Variants in CYP39A1 observed in about 807,000 individuals in gnomAD.
CYP39A1 encodes 24-hydroxycholesterol 7-alpha-hydroxylase.
CYP39A1 carries 49 observed loss-of-function variants against 58.1 expected under a neutral mutation model. That is an observed-to-expected ratio of 0.84 (90% CI 0.67 to 1.07). The LOEUF is 1.07. Among genes scored for constraint, CYP39A1 ranks in the 50% least tolerant of loss-of-function variants. The pLI is 0.00. For missense variants in CYP39A1, 531 were observed against 539.4 expected, an observed-to-expected ratio of 0.98 and a Z score of 0.16; for synonymous variants, 209 against 187.6, an observed-to-expected ratio of 1.11 and a Z score of -0.93.
chr6:46,581,073 A>G (rs1772104504), intron 10 of CYP39A1, among the ~76,000 whole-genome samples: 1 of 152,210 alleles, frequency 6.6e-6, no homozygotes, highest in Non-Finnish European at 1.5e-5. Flanking sequence ...TAGCAAAGAC[A>G]TGAAATCAAC....
At chr6:46,567,662 A>G (rs1771368494) in intron 10 of CYP39A1, among the ~76,000 whole-genome samples, 2 of 152,130 alleles carry the variant, frequency 1.3e-5, no homozygotes, top group South Asian at 4.1e-4. Flanking sequence ...AGTCATTCTA[A>G]TGGATATGCC....
chr6:46,605,004 T>TAA (rs768355971), intron 7 of CYP39A1, among the ~76,000 whole-genome samples: 2 of 138,096 alleles, frequency 1.4e-5, no homozygotes, highest in Non-Finnish European at 1.6e-5. Context: ...CTGATGAGCT[T>TAA]AAAAAAAAAA....
chr6:46,638,572 T>C (rs1185114476), intron 3 of CYP39A1, among the ~76,000 whole-genome samples: 7 of 152,242 alleles, frequency 4.6e-5, no homozygotes, highest in Non-Finnish European at 7.3e-5. Flanking sequence ...TTAATTTTTA[T>C]TTACCATCCC....
chr6:46,631,107 A>C (rs1582440501), intron 5 of CYP39A1, 37 bp from the exon 6 acceptor site: 1 of 1,412,344 alleles, frequency 7.1e-7, no homozygotes. Flanking sequence ...AACCATGGCT[A>C]TGTGACAAAT....
At chr6:46,651,264 T>G (rs1762668943) in intron 1 of CYP39A1, among the ~76,000 whole-genome samples, 1 of 152,194 alleles carries the variant, frequency 6.6e-6, no homozygotes, top group Non-Finnish European at 1.5e-5. Flanking sequence ...ACTGAAGCAC[T>G]GGCTGAAAGA....
At chr6:46,584,603 C>T (rs1419716722) in intron 10 of CYP39A1, among the ~76,000 whole-genome samples, 7 of 152,118 alleles carry the variant, frequency 4.6e-5, no homozygotes, top group African/African-American at 1.7e-4. Flanking sequence ...TTTATTAGTG[C>T]CATGTGAGCT....
At chr6:46,554,532 T>C (rs575179336) in intron 10 of CYP39A1, among the ~76,000 whole-genome samples, 10 of 152,372 alleles carry the variant, frequency 6.6e-5, no homozygotes, top group African/African-American at 2.2e-4. Context: ...CTACAATATA[T>C]TGATACTCAT....
chr6:46,652,604 G>A lies in CYP39A1; in HGVS notation c.-22C>T. 6.4e-7 allele frequency: 1 copy of A among 1,568,894 alleles called. No individual in the cohort carries two copies. Among genetic ancestry groups the A allele is most frequent in the Non-Finnish European group, 8.6e-7 (1 of 1,158,582 alleles). On this transcript the variant is annotated 5_prime_UTR_variant, in exon 1 of 12. Coordinates refer to ENST00000275016, the MANE Select transcript of CYP39A1 (RefSeq NM_016593.5). ...CCATGTTTTTGTCCAGCACCTTCCA[G>A]AAGCAGAAAAGTGTGAAACAGTCCT...
intron 10 of CYP39A1, chr6:46,582,981 TG>T: frequency 1.3e-6 from 1 of 785,430 alleles, no homozygotes; most frequent in Non-Finnish European, 1.5e-6. Context: ...TACTATTAGA[TG>T]GACCTCTGAT....
At chr6:46,608,391 A>T (rs917808630) in intron 7 of CYP39A1, among the ~76,000 whole-genome samples, 2 of 152,168 alleles carry the variant, frequency 1.3e-5, no homozygotes, top group Non-Finnish European at 2.9e-5. Context: ...AAAGATAAAG[A>T]ATAAATAAAA....
intron 8 of CYP39A1, among the ~76,000 whole-genome samples, chr6:46,588,833 C>T (rs1772638866): frequency 6.6e-6 from 1 of 152,158 alleles, no homozygotes; most frequent in Non-Finnish European, 1.5e-5. Flanking sequence ...TGTGTTTCCT[C>T]AGGTAGTCTA....
chr6:46,647,396 A>G (rs928164202), intron 1 of CYP39A1, among the ~76,000 whole-genome samples: 2 of 152,220 alleles, frequency 1.3e-5, no homozygotes, highest in African/African-American at 4.8e-5. Flanking sequence ...TATCGCTTAG[A>G]GTGGCTTAAA....
chr6:46,593,747 C>T (rs997858887), intron 8 of CYP39A1, among the ~76,000 whole-genome samples: 4 of 152,002 alleles, frequency 2.6e-5, no homozygotes, highest in Non-Finnish European at 5.9e-5. Context: ...ATAATGCAGG[C>T]CCTAAGTCAA....
chr6:46,551,816 T>C (rs1348435722), intron 11 of CYP39A1, among the ~76,000 whole-genome samples: 1 of 152,186 alleles, frequency 6.6e-6, no homozygotes, highest in Non-Finnish European at 1.5e-5. Context: ...GGCCATTTCC[T>C]GTACTTTCTG....
chr6:46,625,425 G>A lies in CYP39A1; in HGVS notation c.924C>T (p.Gly308=). Residue 308 remains glycine, a synonymous_variant, in exon 7 of 12, where the codon GGC becomes GGT. Transcript: ENST00000275016. ...AIMEGISSVF[G]KAGKDKIKVS... ...TATAATAAGGTTTAGTACCTGCTTTGCCAAACACAGAAGATATGCCTTCCA... is the reference window on the plus strand; with the variant it reads ...TATAATAAGGTTTAGTACCTGCTTTACCAAACACAGAAGATATGCCTTCCA... 1.9e-6 allele frequency: 3 copies of A among 1,604,628 alleles called. No homozygotes were observed. The highest frequency in any genetic ancestry group is 1.7e-6 in the Non-Finnish European group (2 of 1,174,822).
At chr6:46,635,825 A>G (rs1468042558) in intron 5 of CYP39A1, among the ~76,000 whole-genome samples, 1 of 152,014 alleles carries the variant, frequency 6.6e-6, no homozygotes, top group Admixed American at 6.6e-5. Flanking sequence ...GGCCCCCCAA[A>G]GTGCTGGGAT....
At chr6:46,561,137 C>T (rs1450654063) in intron 10 of CYP39A1, among the ~76,000 whole-genome samples, 1 of 152,134 alleles carries the variant, frequency 6.6e-6, no homozygotes, top group African/African-American at 2.4e-5. Flanking sequence ...GTAGTGACTT[C>T]CTAGCATTCA....
At chr6:46,558,706 G>A (rs1461747736) in intron 10 of CYP39A1, among the ~76,000 whole-genome samples, 1 of 152,024 alleles carries the variant, frequency 6.6e-6, no homozygotes, top group Non-Finnish European at 1.5e-5. Flanking sequence ...TAGGAAAAAA[G>A]GTGATTGTCG....
chr6:46,587,039 G>C lies in CYP39A1; in HGVS notation c.1250+38C>G, dbSNP rs746587315. On this transcript the variant is annotated intron_variant, in intron 10 of 11. Transcript: ENST00000275016. ...CCCTCTGAGCCATCATCTTTCTGCA[G>C]ACTTTCTGGATAAATGTGGCCCAGC... 3 of 1,471,998 alleles carry C rather than the reference G, an allele frequency of 2.0e-6. No individual in the cohort carries two copies. The South Asian group carries it at 3.5e-5, about 17-fold the overall frequency. 91.2% of individuals were successfully genotyped at this position (1,471,998 alleles called of 1,614,324 possible). A position where few individuals can be genotyped will look rare whatever the true frequency, so the allele number is the denominator to read the frequency against.
Sources: allele counts gnomAD v4.1 joint callset (sites outside exome capture counted in the v4.1 genomes callset), GRCh38; gene constraint gnomAD v4.1.1; transcripts MANE v1.5; gene names NCBI Gene and HGNC (gene_info 2026-07-23, HGNC 2026-07-21).